Variants in PPP2R2B observed in about 807,000 individuals in gnomAD.
PPP2R2B encodes the protein serine/threonine-protein phosphatase 2A 55 kDa regulatory subunit B beta isoform.
PPP2R2B carries 5 observed loss-of-function variants against 46.0 expected under a neutral mutation model. The observed-to-expected ratio is 0.11, with a 90% confidence interval of 0.06 to 0.23. The LOEUF (loss-of-function observed/expected upper bound fraction) is 0.23. Among genes scored for constraint, PPP2R2B ranks in the 10% least tolerant of loss-of-function variants. The pLI is 1.00. For missense variants in PPP2R2B, 367 were observed against 575.0 expected, an observed-to-expected ratio of 0.64 and a Z score of 3.70; for synonymous variants, 215 against 206.7, an observed-to-expected ratio of 1.04 and a Z score of -0.34.
At chr5:146,769,532 T>G (rs1465884736) in intron 2 of PPP2R2B, among the ~76,000 whole-genome samples, 1 of 152,208 alleles carries the variant, frequency 6.6e-6, no homozygotes, top group Admixed American at 6.5e-5. Flanking sequence ...TCAGCAATCA[T>G]TGTTGAGGTA....
chr5:147,010,912 C>G (rs1464062283), intron 1 of PPP2R2B, among the ~76,000 whole-genome samples: 3 of 152,126 alleles, frequency 2.0e-5, no homozygotes, highest in Non-Finnish European at 4.4e-5. Context: ...TGCTCTCATC[C>G]CTGCTCAAAC....
At chr5:146,803,315 G>A (rs1412626994) in intron 2 of PPP2R2B, among the ~76,000 whole-genome samples, 1 of 152,172 alleles carries the variant, frequency 6.6e-6, no homozygotes, top group Non-Finnish European at 1.5e-5. Flanking sequence ...AATGCCTCAT[G>A]TCAGGGAATG....
chr5:146,855,315 C>G (rs1431842818), intron 2 of PPP2R2B, among the ~76,000 whole-genome samples: 1 of 152,156 alleles, frequency 6.6e-6, no homozygotes, highest in Admixed American at 6.6e-5. Context: ...AAAACCTGCT[C>G]TTATTATTTT....
At chr5:147,022,565 A>C (rs1755333412) in intron 1 of PPP2R2B, among the ~76,000 whole-genome samples, 2 of 152,098 alleles carry the variant, frequency 1.3e-5, no homozygotes, top group African/African-American at 4.8e-5. Flanking sequence ...TCCAAAAAAA[A>C]AAATCCAAAT....
Position 146,972,537 on chromosome 5 carries a change from C to T in PPP2R2B, c.79+83128G>A, listed in dbSNP as rs186937535. Reference sequence around the variant, plus strand: ...GACCAGCCTGACCAACATGCTGAAACCCCGTCTCTACTAAAAATACAAAAA... The same window carrying T: ...GACCAGCCTGACCAACATGCTGAAATCCCGTCTCTACTAAAAATACAAAAA... On this transcript the variant is annotated intron_variant, in intron 1 of 8. Coordinates refer to the PPP2R2B transcript ENST00000336640. Among the ~76,000 whole-genome samples the T allele has an allele frequency of 3.9e-5, 6 of 152,070 alleles. No homozygotes were observed. The East Asian group carries it at 7.8e-4, about 20-fold the overall frequency.
At chr5:146,841,108 G>C (rs1759612012) in intron 2 of PPP2R2B, among the ~76,000 whole-genome samples, 1 of 151,918 alleles carries the variant, frequency 6.6e-6, no homozygotes, top group Non-Finnish European at 1.5e-5. Context: ...GACACTTGAA[G>C]CTTATGGAGG....
chr5:146,974,354 T>A (rs1190496163), intron 1 of PPP2R2B, among the ~76,000 whole-genome samples: 2 of 152,164 alleles, frequency 1.3e-5, no homozygotes, highest in African/African-American at 4.8e-5. Flanking sequence ...TTCCTCCCAT[T>A]TCACACATTA....
At chr5:146,865,235 G>T (rs1238416148) in intron 2 of PPP2R2B, among the ~76,000 whole-genome samples, 1 of 151,690 alleles carries the variant, frequency 6.6e-6, no homozygotes, top group Non-Finnish European at 1.5e-5. Context: ...AAACCCTATA[G>T]ATGATGTTGT....
At chr5:146,752,768 GA>G (rs111742196) in intron 2 of PPP2R2B, among the ~76,000 whole-genome samples, 33,323 of 152,056 alleles carry the variant, frequency 0.22, 3,968 homozygotes, top group East Asian at 0.43. Context: ...AAAATGAGCA[GA>G]AAAAAAGCAT....
chr5:146,905,673 C>T (rs897821457), intron 1 of PPP2R2B, among the ~76,000 whole-genome samples: 1 of 152,192 alleles, frequency 6.6e-6, no homozygotes, highest in Non-Finnish European at 1.5e-5. Context: ...TTAAAAGGAA[C>T]TCACTCCTAT....
chr5:146,635,082 G>A (rs1774720137), intron 7 of PPP2R2B, among the ~76,000 whole-genome samples: 1 of 152,110 alleles, frequency 6.6e-6, no homozygotes, highest in Non-Finnish European at 1.5e-5. Context: ...CTGGCAGAGG[G>A]CTAGGATCTC....
intron 1 of PPP2R2B, among the ~76,000 whole-genome samples, chr5:146,946,001 G>A (rs1403899083): frequency 6.6e-6 from 1 of 152,130 alleles, no homozygotes; most frequent in Non-Finnish European, 1.5e-5. Flanking sequence ...GAGGCTGAGT[G>A]AGATTTGTTA....
At chr5:147,033,590 G>T (rs1012304285) in intron 1 of PPP2R2B, among the ~76,000 whole-genome samples, 1 of 152,092 alleles carries the variant, frequency 6.6e-6, no homozygotes, top group Non-Finnish European at 1.5e-5. Context: ...GTTTTAGGGG[G>T]TTTGGGATGG....
chr5:147,077,107 A>G (rs1472659212), intron 2 of PPP2R2B, among the ~76,000 whole-genome samples: 1 of 147,830 alleles, frequency 6.8e-6, no homozygotes, highest in East Asian at 1.9e-4. Flanking sequence ...TATAATATAT[A>G]ATATGTAATA....
chr5:146,995,865 A>C (rs1753900123), intron 1 of PPP2R2B, among the ~76,000 whole-genome samples: 1 of 152,186 alleles, frequency 6.6e-6, no homozygotes, highest in Non-Finnish European at 1.5e-5. Flanking sequence ...GGAATAATTT[A>C]TTACTGTTGG....
At chr5:146,995,448 T>C (rs561724863) in intron 1 of PPP2R2B, among the ~76,000 whole-genome samples, 2 of 152,308 alleles carry the variant, frequency 1.3e-5, no homozygotes, top group Admixed American at 1.3e-4. Context: ...AGGCTCTGCC[T>C]TATAAGAACT....
intron 6 of PPP2R2B, among the ~76,000 whole-genome samples, chr5:146,642,472 TTAAA>T (rs1350832169): frequency 1.3e-5 from 2 of 152,174 alleles, no homozygotes; most frequent in Admixed American, 6.5e-5. Context: ...GATTGACAAC[TTAAA>T]TAAATATACA....
At chr5:146,852,965 G>A (rs1269066662) in intron 2 of PPP2R2B, among the ~76,000 whole-genome samples, 2 of 152,098 alleles carry the variant, frequency 1.3e-5, no homozygotes, top group African/African-American at 4.8e-5. Flanking sequence ...ATTCTTCAAA[G>A]GAATTGGATA....
At chr5:146,907,845 T>TG (rs1561510383) in intron 1 of PPP2R2B, among the ~76,000 whole-genome samples, 1 of 152,206 alleles carries the variant, frequency 6.6e-6, no homozygotes, top group Non-Finnish European at 1.5e-5. Flanking sequence ...GTGAGGTTCT[T>TG]GGGGGCATGC....
Sources: allele counts gnomAD v4.1 joint callset (sites outside exome capture counted in the v4.1 genomes callset), GRCh38; gene constraint gnomAD v4.1.1; transcripts MANE v1.5; gene names NCBI Gene and HGNC (gene_info 2026-07-23, HGNC 2026-07-21).